The following GTPBP3 variants were observed in gnomAD, a reference collection of about 807,000 sequenced individuals.
GTPBP3 encodes the protein GTP binding protein 3, mitochondrial.
Under a neutral mutation model 42.0 loss-of-function variants are expected in GTPBP3, and 35 were observed. The ratio of observed to expected loss-of-function variants is 0.83; its 90% CI spans 0.64 to 1.10. The LOEUF (loss-of-function observed/expected upper bound fraction) is 1.10, where lower values mean the gene tolerates loss of function less well. Ranked by LOEUF, GTPBP3 falls within the 50% of genes least tolerant of loss-of-function variation. GTPBP3 has a pLI of 0.00. For missense variants in GTPBP3, 691 were observed against 685.2 expected (o/e 1.01, Z -0.09); for synonymous variants, 332 against 314.9 (o/e 1.05, Z -0.58).
chr19:17,336,081 A>C (rs1396159803), upstream of GTPBP3, among the ~76,000 whole-genome samples: 1 of 151,922 alleles, frequency 6.6e-6, no homozygotes, highest in East Asian at 1.9e-4. Flanking sequence ...TTAAAAATAC[A>C]AAAAATTAGC....
intron 1 of GTPBP3, 41 bp downstream of exon 1, chr19:17,337,705 G>A: frequency 7.2e-7 from 1 of 1,388,724 alleles, no homozygotes; most frequent in Non-Finnish European, 9.4e-7. Flanking sequence ...TTGGGGTGCT[G>A]CTTGGACCCC....
At chr19:17,335,870 G>A (rs2074363028), upstream of GTPBP3, among the ~76,000 whole-genome samples, 1 of 138,536 alleles carries the variant, frequency 7.2e-6, no homozygotes, top group Non-Finnish European at 1.7e-5. Context: ...GCTTGTTACA[G>A]ATGTAACAAC....
chr19:17,338,348 C>G lies in GTPBP3; in HGVS notation c.302-17C>G, dbSNP rs75326392. 0.1 allele frequency: 165,224 copies of G among 1,613,338 alleles called. 9,131 individuals carry two copies. The highest frequency in any genetic ancestry group is 0.15 in the African/African-American group (11,277 of 75,040). ...CACTGGCTGTGCTGTCCTCCTGTCACCTGTCTGTCACATTAGGTCCCCAGA... is the reference window on the plus strand; with the variant it reads ...CACTGGCTGTGCTGTCCTCCTGTCAGCTGTCTGTCACATTAGGTCCCCAGA... On this transcript the variant is annotated splice_polypyrimidine_tract_variant and intron_variant, in intron 2 of 8. Transcript: ENST00000324894.
chr19:17,335,793 C>T (rs2074361758), upstream of GTPBP3, among the ~76,000 whole-genome samples: 2 of 90,410 alleles, frequency 2.2e-5, no homozygotes, highest in African/African-American at 1.2e-4. Flanking sequence ...AATGCGAGCA[C>T]ACAGTAGGCG....
chr19:17,335,257 A>AT, upstream of GTPBP3: 1 of 1,311,398 alleles, frequency 7.6e-7, no homozygotes, highest in Non-Finnish European at 1.0e-6. Flanking sequence ...TGCACGCACC[A>AT]TTTGGCTGCC....
In GTPBP3 at chr19:17,338,150, A is replaced by G. The variant is rs1161604517; in HGVS notation, c.196A>G (p.Thr66Ala). ...CAGCGGCCACGCCCTCCGAATTCTCACAGCACCCCGAGACCTGCCCCTTGC... is the reference window on the plus strand; with the variant it reads ...CAGCGGCCACGCCCTCCGAATTCTCGCAGCACCCCGAGACCTGCCCCTTGC... ...PASGHALRILTAPRDLPLARH... is the reference protein window; with the variant it reads ...PASGHALRILAAPRDLPLARH... Residue 66 changes from threonine to alanine, a missense_variant, in exon 2 of 9, where the codon ACA becomes GCA. Transcript: ENST00000324894. 6.3e-7 allele frequency: 1 copy of G among 1,595,322 alleles called. No individual in the cohort carries two copies. The highest frequency in any genetic ancestry group is 1.7e-4 in the Middle Eastern group (1 of 6,048).
upstream of GTPBP3, chr19:17,337,389 C>A: frequency 1.1e-6 from 1 of 915,962 alleles, no homozygotes; most frequent in Non-Finnish European, 1.4e-6. Context: ...AACAACATTT[C>A]GCTACACCTA....
At position 17,341,050 on chromosome 19, in the gene GTPBP3, G is replaced by A. The variant is rs1397964870; in HGVS notation, c.981G>A (p.Glu327=). 1 of 1,613,026 alleles carries A rather than the reference G, an allele frequency of 6.2e-7. No homozygotes were observed. The highest frequency in any genetic ancestry group is 1.7e-5 in the Admixed American group (1 of 59,966). Residue 327 remains glutamate (E), a synonymous_variant, in exon 8 of 9, where the codon GAG becomes GAA. Coordinates refer to ENST00000324894, the MANE Select transcript of GTPBP3 (RefSeq NM_032620.4). ...GTTGACCTTGCTCCCGCAGGCTAGA[G>A]CAGGCTGACCTCATTCTGGCCATGC... The part of the protein sequence containing the change: ...EGVRRARERL[E]QADLILAMLD...
chr19:17,337,254 A>G (rs2074375903), upstream of GTPBP3: 5 of 229,236 alleles, frequency 2.2e-5, no homozygotes, highest in Non-Finnish European at 4.2e-5. Flanking sequence ...TGCGGGACTC[A>G]AAACCTCCCC....
At chr19:17,336,607 C>G (rs1159072783), upstream of GTPBP3, 1 of 152,248 alleles carries the variant, frequency 6.6e-6, no homozygotes, top group East Asian at 1.9e-4. Context: ...TCTTAACACG[C>G]AAGTGCGCCG....
Position 17,338,543 on chromosome 19 carries a change from C to G in GTPBP3, c.393C>G (p.Ser131Arg). Residue 131 changes from serine to arginine, a missense_variant, in exon 4 of 9, where the codon AGC (serine) becomes AGG (arginine). Transcript: ENST00000324894. ...CAGACTGGGACCTTCCTGCAGGCAGCGTGCCAGGGCTTCGACCGGCGGAGG... is the reference window on the plus strand; with the variant it reads ...CAGACTGGGACCTTCCTGCAGGCAGGGTGCCAGGGCTTCGACCGGCGGAGG... ...VVSGVLQALG[S>R]VPGLRPAEAG... 6.2e-7 allele frequency: 1 copy of G among 1,613,370 alleles called. No homozygotes were observed. Among genetic ancestry groups the G allele is most frequent in the Non-Finnish European group, 8.5e-7 (1 of 1,179,532 alleles).
chr19:17,335,511 G>A (rs1055861810), upstream of GTPBP3, among the ~76,000 whole-genome samples: 3 of 152,116 alleles, frequency 2.0e-5, no homozygotes, highest in African/African-American at 7.2e-5. Context: ...AGTGAGCTGA[G>A]ATCACACCCA....
chr19:17,338,764 C>A lies in GTPBP3; in HGVS notation c.591+23C>A, dbSNP rs763109924. On this transcript the variant is annotated intron_variant, in intron 4 of 8. Transcript: ENST00000324894. ...AAAGCAAGTCCCCCATTTGTCCATTCTCTCCCTCAGAGACCCCATCTGTGC... is the reference window on the plus strand; with the variant it reads ...AAAGCAAGTCCCCCATTTGTCCATTATCTCCCTCAGAGACCCCATCTGTGC... 31 of 1,591,820 alleles carry A rather than the reference C, an allele frequency of 1.9e-5. No homozygotes were observed. In the East Asian group the frequency reaches 5.4e-4, roughly 28 times the overall value.
At chr19:17,340,121 GC>G (rs911296067) in intron 7 of GTPBP3, among the ~76,000 whole-genome samples, 9 of 151,848 alleles carry the variant, frequency 5.9e-5, no homozygotes, top group African/African-American at 2.2e-4. Flanking sequence ...TGCAACCTCC[GC>G]CTCTCGGGTT....
chr19:17,340,295 C>G (rs2074415952), intron 7 of GTPBP3, among the ~76,000 whole-genome samples: 1 of 152,124 alleles, frequency 6.6e-6, no homozygotes, highest in Non-Finnish European at 1.5e-5. Flanking sequence ...CCTCGGCCTC[C>G]CAAAGTGCTG....
In GTPBP3 at chr19:17,338,592, T is replaced by A. The variant is rs768135810; in HGVS notation, c.442T>A (p.Phe148Ile). Residue 148 changes from phenylalanine (F) to isoleucine (I), a missense_variant, in exon 4 of 9, where the codon TTC becomes ATC. Coordinates refer to ENST00000324894, the MANE Select transcript of GTPBP3 (RefSeq NM_032620.4). The stretch of plus-strand genomic sequence containing the variant: ...GGCAGGCGAGTTCACCAGACGGGCG[T>A]TCGCCAATGGGAAGCTGAACCTGAC... ...AEAGEFTRRA[F>I]ANGKLNLTEV... 1.2e-6 allele frequency: 2 copies of A among 1,613,916 alleles called. No homozygotes were observed. Among genetic ancestry groups the A allele is most frequent in the African/African-American group, 2.7e-5 (2 of 74,926 alleles).
chr19:17,339,184 C>A lies in GTPBP3; in HGVS notation c.726C>A (p.Arg242=), dbSNP rs140048775. ...GTGCACATCTACGAGATGCCAGGCG[C>A]GGGCAGAGGCTCCGCTCAGGGGTGC... is the stretch of plus-strand genomic sequence containing the variant. ...ALGAHLRDAR[R]GQRLRSGVHV... The change falls in exon 6 of 9, where the codon CGC becomes CGA. Residue 242 remains arginine, a synonymous_variant. Coordinates refer to ENST00000324894, the MANE Select transcript of GTPBP3 (RefSeq NM_032620.4). 4 of 1,613,616 alleles carry A rather than the reference C, an allele frequency of 2.5e-6. No individual in the cohort carries two copies. Among genetic ancestry groups the A allele is most frequent in the Non-Finnish European group, 8.5e-7 (1 of 1,180,024 alleles).
rs1379663553 is a variant in GTPBP3, at chr19:17,341,957, G to A, written c.*254G>A. On this transcript the variant is annotated 3_prime_UTR_variant, in exon 9 of 9. Coordinates refer to ENST00000324894, the MANE Select transcript of GTPBP3 (RefSeq NM_032620.4). Reference sequence around the variant, plus strand: ...ATCCGGGTTGGGATGGAGATAGGAGGATCTCAGTATATTTGTTTCGTAGTT... The same window carrying A: ...ATCCGGGTTGGGATGGAGATAGGAGAATCTCAGTATATTTGTTTCGTAGTT... 2.5e-6 allele frequency: 1 copy of A among 406,638 alleles called. No individual in the cohort carries two copies. Among genetic ancestry groups the A allele is most frequent in the Non-Finnish European group, 4.3e-6 (1 of 231,104 alleles). 25.2% of individuals were successfully genotyped at this position (406,638 alleles called of 1,614,324 possible). A position where few individuals can be genotyped will look rare whatever the true frequency, so the allele number is the denominator to read the frequency against.
Position 17,341,559 on chromosome 19 carries a change from C to A in GTPBP3, c.1335C>A (p.Leu445=). The A allele has an allele frequency of 6.2e-7, 1 of 1,613,910 alleles. No individual in the cohort carries two copies. The highest frequency in any genetic ancestry group is 8.5e-7 in the Non-Finnish European group (1 of 1,180,006). ...ACCTCCAGGGTTGCCTGGATGCCCTCGGCCACTACAAGCAGTCAAAAGACC... is the reference window on the plus strand; with the variant it reads ...ACCTCCAGGGTTGCCTGGATGCCCTAGGCCACTACAAGCAGTCAAAAGACC... ...QHHLQGCLDA[L]GHYKQSKDLA... is the part of the protein sequence containing the mutation. The change falls in exon 9 of 9, where the codon CTC becomes CTA. Residue 445 remains leucine (L), a synonymous_variant. Coordinates refer to ENST00000324894, the MANE Select transcript of GTPBP3 (RefSeq NM_032620.4).
Sources: allele counts gnomAD v4.1 joint callset (sites outside exome capture counted in the v4.1 genomes callset), GRCh38; gene constraint gnomAD v4.1.1; transcripts MANE v1.5; gene names NCBI Gene and HGNC (gene_info 2026-07-23, HGNC 2026-07-21).